WDR37: variants seen among roughly 807,000 people sequenced by gnomAD.
The protein encoded by WDR37 is WD repeat domain 37.
WDR37 carries 19 observed loss-of-function variants against 62.9 expected under a neutral mutation model. That is an observed-to-expected ratio of 0.30 (90% CI 0.21 to 0.44). The LOEUF (loss-of-function observed/expected upper bound fraction) is 0.44, where lower values mean the gene tolerates loss of function less well. Among genes scored for constraint, WDR37 ranks in the 20% least tolerant of loss-of-function variants. WDR37 has a pLI of 1.00. For missense variants in WDR37, 474 were observed against 657.6 expected (o/e 0.72, Z 3.05); for synonymous variants, 250 against 260.9 (o/e 0.96, Z 0.40).
At chr10:1,074,954 T>C (rs555194349) in intron 2 of WDR37, among the ~76,000 whole-genome samples, 3 of 152,378 alleles carry the variant, frequency 2.0e-5, no homozygotes, top group African/African-American at 7.2e-5. Flanking sequence ...CGCACGTGCG[T>C]GCAGGTGCTT....
chr10:1,095,922 A>G (rs927464271), intron 8 of WDR37, among the ~76,000 whole-genome samples: 5 of 152,360 alleles, frequency 3.3e-5, no homozygotes, highest in East Asian at 3.9e-4. Flanking sequence ...AGGACTTTCT[A>G]TGCTAAAATG....
chr10:1,059,905 C>T (rs1028487610), intron 1 of WDR37, among the ~76,000 whole-genome samples: 6 of 152,086 alleles, frequency 3.9e-5, no homozygotes, highest in Admixed American at 2.6e-4. Flanking sequence ...AGTGCAGCGG[C>T]ATGATCTCAG....
intron 6 of WDR37, among the ~76,000 whole-genome samples, chr10:1,085,685 T>C (rs1834177619): frequency 6.6e-6 from 1 of 152,186 alleles, no homozygotes; most frequent in Non-Finnish European, 1.5e-5. Context: ...AGTTCTTGCT[T>C]CTCCTTTGAA....
chr10:1,069,385 A>ATTTTTTTTTTT (rs1564496938), intron 1 of WDR37, among the ~76,000 whole-genome samples: 1 of 28,472 alleles, frequency 3.5e-5, no homozygotes, highest in Non-Finnish European at 6.9e-5. Flanking sequence ...ATATATATAT[A>ATTTTTTTTTTT]TATATTTTTT....
intron 5 of WDR37, among the ~76,000 whole-genome samples, chr10:1,083,696 TGTC>T (rs1051381274): frequency 1.3e-5 from 2 of 152,254 alleles, no homozygotes; most frequent in African/African-American, 4.8e-5. Context: ...CTGCTGTGTG[TGTC>T]GTCATTCGAG....
chr10:1,103,874 G>T lies in WDR37; in HGVS notation c.961+38G>T, dbSNP rs530413939. Reference sequence around the variant, plus strand: ...TCTGAGTCCGCCGCCTCCTGGCTGTGCATGTTAGTTTATGTCCATGGGTTA... The same window carrying T: ...TCTGAGTCCGCCGCCTCCTGGCTGTTCATGTTAGTTTATGTCCATGGGTTA... On this transcript the variant is annotated intron_variant, in intron 10 of 13. Transcript: ENST00000263150. This position sits in a 1 kb window ranked among gnomAD's most constrained non-coding sequence, Gnocchi z 6.3. The T allele has an allele frequency of 1.3e-6, 2 of 1,599,834 alleles. No homozygotes were observed. Among genetic ancestry groups the T allele is most frequent in the East Asian group, 2.3e-5 (1 of 44,400 alleles).
chr10:1,104,939 G>A (rs1380702201), intron 10 of WDR37, among the ~76,000 whole-genome samples, 187 bp from the exon 11 acceptor site: 1 of 152,150 alleles, frequency 6.6e-6, no homozygotes, highest in African/African-American at 2.4e-5. Context: ...TGACATGGAC[G>A]GCTGAAAGGA....
intron 13 of WDR37, among the ~76,000 whole-genome samples, chr10:1,126,222 GGTGAAACCCT>G (rs987645214): frequency 7.9e-5 from 12 of 151,978 alleles, no homozygotes; most frequent in Non-Finnish European, 1.5e-4. Context: ...TGACTAACAC[GGTGAAACCCT>G]GTCTCTAATA....
In WDR37 at chr10:1,132,153, A is replaced by G. The variant is rs1445899017; in HGVS notation, c.*2809A>G. Reference sequence around the variant, plus strand: ...AAATTCATTAAAATGTCCATGTTCCATAATTACTATTATAAAAGCTTTGTG... The same window carrying G: ...AAATTCATTAAAATGTCCATGTTCCGTAATTACTATTATAAAAGCTTTGTG... On this transcript the variant is annotated 3_prime_UTR_variant, in exon 14 of 14. Coordinates refer to ENST00000263150, the MANE Select transcript of WDR37 (RefSeq NM_014023.4). 6.6e-6 allele frequency: 1 copy of G among 152,610 alleles called. No homozygotes were observed. Among genetic ancestry groups the G allele is most frequent in the Non-Finnish European group, 1.5e-5 (1 of 68,048 alleles). The allele number at this position is 152,610 out of a possible 1,614,324, so 9.5% of individuals were successfully genotyped here. A position where few individuals can be genotyped will look rare whatever the true frequency, so the allele number is the denominator to read the frequency against.
intron 7 of WDR37, among the ~76,000 whole-genome samples, chr10:1,092,889 A>AAC (rs1554824147): frequency 2.0e-5 from 3 of 150,756 alleles, no homozygotes; most frequent in African/African-American, 7.3e-5. Context: ...AAAAAAAAAA[A>AAC]AAAAAAAAAG....
chr10:1,108,817 C>G (rs922274594), intron 11 of WDR37, among the ~76,000 whole-genome samples: 1 of 150,592 alleles, frequency 6.6e-6, no homozygotes, highest in African/African-American at 2.4e-5. Flanking sequence ...CTGGGAAGAC[C>G]CAGCAGCTCT....
At chr10:1,112,324 C>T (rs1564510820) in intron 11 of WDR37, among the ~76,000 whole-genome samples, 1 of 152,204 alleles carries the variant, frequency 6.6e-6, no homozygotes, top group Non-Finnish European at 1.5e-5. Context: ...CCATAGAAGA[C>T]AGTGAACTTA....
At chr10:1,081,817 G>A (rs530837001) in intron 5 of WDR37, among the ~76,000 whole-genome samples, 2 of 152,076 alleles carry the variant, frequency 1.3e-5, no homozygotes, top group South Asian at 2.1e-4. Context: ...GTGTACAGTT[G>A]TATATATACA....
rs56220560 is a variant in WDR37 at position 1,092,872 on chromosome 10, C to CAA, written c.605-555_605-554dup. Among the ~76,000 whole-genome samples, 144 of 41,942 alleles carry CAA rather than the reference C, an allele frequency of 3.4e-3. 12 individuals are homozygous for CAA. Among genetic ancestry groups the CAA allele is most frequent in the African/African-American group, 8.9e-3 (105 of 11,840 alleles). The allele number at this position is 41,942 out of a possible 152,430, so 27.5% of individuals were successfully genotyped here. A position where few individuals can be genotyped will look rare whatever the true frequency, so the allele number is the denominator to read the frequency against. The stretch of plus-strand genomic sequence containing the variant: ...GCAACCAGAGCAAGACCCTATCTCA[C>CAA]AAAAAAAAAAAAAAAAAAAAAAAAA... On this transcript the variant is annotated intron_variant, in intron 7 of 13. Coordinates refer to ENST00000263150, the MANE Select transcript of WDR37 (RefSeq NM_014023.4).
intron 11 of WDR37, among the ~76,000 whole-genome samples, chr10:1,111,221 C>A (rs1280254089): frequency 6.6e-6 from 1 of 152,082 alleles, no homozygotes; most frequent in African/African-American, 2.4e-5. Flanking sequence ...AGCGTAAATT[C>A]TTTAGTATAG....
At chr10:1,057,800 A>G (rs1833239594) in intron 1 of WDR37, among the ~76,000 whole-genome samples, 1 of 152,266 alleles carries the variant, frequency 6.6e-6, no homozygotes. Flanking sequence ...ATACCATTAT[A>G]GAAAAGTGTT....
intron 1 of WDR37, among the ~76,000 whole-genome samples, chr10:1,066,386 G>A (rs991463164): frequency 3.9e-5 from 6 of 152,228 alleles, no homozygotes; most frequent in East Asian, 1.9e-4. Flanking sequence ...AAAGTGCTGG[G>A]ATTATAGGCG....
rs1292828252 is a variant in WDR37, at chr10:1,126,407, G to GAAA, written c.1353+1393_1353+1395dup. 2.0e-5 allele frequency among the ~76,000 whole-genome samples: 3 copies of GAAA among 147,554 alleles called. No homozygotes were observed. The South Asian group carries it at 6.4e-4, about 31-fold the overall frequency. ...GGCGACAGAGCGAGACTGTGTCTCAGAAAAAAAAAAAAGAAACTCCCCGTG... is the reference window on the plus strand; with the variant it reads ...GGCGACAGAGCGAGACTGTGTCTCAGAAAAAAAAAAAAAAAGAAACTCCCCGTG... On this transcript the variant is annotated intron_variant, in intron 13 of 13. Coordinates refer to ENST00000263150, the MANE Select transcript of WDR37 (RefSeq NM_014023.4).
rs1256775665 is a variant in WDR37 at position 1,103,691 on chromosome 10, C to G, written c.816C>G (p.Val272=). The G allele has an allele frequency of 1.2e-5, 20 of 1,614,142 alleles. No individual in the cohort carries two copies. The highest frequency in any genetic ancestry group is 1.4e-5 in the Non-Finnish European group (17 of 1,180,062). The part of the protein sequence containing the change: ...DVSSDCPTIR[V]PLTSLKSHQG... ...CCAGCGACTGCCCCACCATCCGCGT[C>G]CCACTGACATCCCTCAAGAGCCACC... The change falls in exon 10 of 14, where the codon GTC becomes GTG. Residue 272 remains valine (V), a synonymous_variant. Transcript: ENST00000263150. The surrounding 1 kb of genome is among the most constrained non-coding windows in gnomAD (Gnocchi z 6.3).
Sources: gnomAD v4.1 joint callset for allele counts (sites outside exome capture counted in the v4.1 genomes callset) on GRCh38, gnomAD v4.1.1 for gene constraint, Gnocchi (gnomAD v3.1) non-coding constraint, MANE v1.5 for transcripts, NCBI Gene and HGNC (gene_info 2026-07-23, HGNC 2026-07-21) for gene names.